Variants in MIB2 observed in about 807,000 individuals in gnomAD.
The protein encoded by MIB2 is MIB E3 ubiquitin protein ligase 2, also known as E3 ubiquitin-protein ligase MIB2.
MIB2 carries 78 observed loss-of-function variants against 96.6 expected under a neutral mutation model. The ratio of observed to expected loss-of-function variants is 0.81; its 90% CI spans 0.67 to 0.97. The LOEUF (loss-of-function observed/expected upper bound fraction) is 0.97, where lower values mean the gene tolerates loss of function less well. MIB2 is among the 50% of genes least tolerant of loss of function. The pLI is 0.00. For synonymous variants in MIB2, 820 were observed against 629.5 expected, an observed-to-expected ratio of 1.30 and a Z score of -4.53; for missense variants, 1,543 against 1,424.0, an observed-to-expected ratio of 1.08 and a Z score of -1.35.
In MIB2 at chr1:1,629,276, G is replaced by T; in HGVS notation, c.2346G>T (p.Val782=). 6.5e-7 allele frequency: 1 copy of T among 1,542,938 alleles called. No homozygotes were observed. Among genetic ancestry groups the T allele is most frequent in the Non-Finnish European group, 8.6e-7 (1 of 1,156,790 alleles). Residue 782 remains valine (V), a synonymous_variant, in exon 17 of 20, where the codon GTG becomes GTT. Coordinates refer to ENST00000355826, the MANE Select transcript of MIB2 (RefSeq NM_001170687.4). Reference sequence around the variant, plus strand: ...TGGACCTGGCCGCCGAGGGTCGCGTGCTCAAGGCCCTTCAGGGCTGCGCCC... The same window carrying T: ...TGGACCTGGCCGCCGAGGGTCGCGTTCTCAAGGCCCTTCAGGGCTGCGCCC... The part of the protein sequence containing the change: ...SPLDLAAEGR[V]LKALQGCAQR...
chr1:1,628,564 G>A lies in MIB2; in HGVS notation c.2044G>A (p.Gly682Arg), dbSNP rs1645041168. The change falls in exon 16 of 20, where the codon GGG becomes AGG. Residue 682 changes from glycine (G) to arginine (R), a missense_variant. Physicochemically the swap from Gly to Arg is moderately radical, Grantham distance 125 (BLOSUM62 -2). Coordinates refer to ENST00000355826, the MANE Select transcript of MIB2 (RefSeq NM_001170687.4). Reference sequence around the variant, plus strand: ...TCTCGCCGTGCAACAGGCCCACGTGGGGCTGGTGCCGCTACTGGTGGACGC... The same window carrying A: ...TCTCGCCGTGCAACAGGCCCACGTGAGGCTGGTGCCGCTACTGGTGGACGC... Reference protein sequence around the residue: ...LHLAVQQAHVGLVPLLVDAGC... With the variant: ...LHLAVQQAHVRLVPLLVDAGC... 1 of 1,601,618 alleles carries A rather than the reference G, an allele frequency of 6.2e-7. No individual in the cohort carries two copies. Among genetic ancestry groups the A allele is most frequent in the Non-Finnish European group, 8.5e-7 (1 of 1,178,584 alleles).
intron 4 of MIB2, 121 bp from the exon 5 acceptor site, chr1:1,624,674 C>T (rs955470594): frequency 2.0e-5 from 18 of 913,168 alleles, no homozygotes; most frequent in East Asian, 1.0e-4. Context: ...GCTGGGGCTG[C>T]GGAGCCCAGC....
At chr1:1,628,788 G>A (rs963693385) in intron 16 of MIB2, 66 bp downstream of exon 16, 21 of 1,325,692 alleles carry the variant, frequency 1.6e-5, no homozygotes, top group Admixed American at 7.9e-5. Context: ...TCTGGGCAGG[G>A]CCTGTGCCAC....
At chr1:1,630,162 G>A (rs1426099263) in intron 19 of MIB2, 130 bp from the exon 20 acceptor site, 2 of 122,858 alleles carry the variant, frequency 1.6e-5, no homozygotes, top group East Asian at 1.9e-4. Flanking sequence ...CACCCACCCC[G>A]CCAGCCCCCC....
Position 1,616,572 on chromosome 1 carries a change from G to A in MIB2, c.-65G>A, listed in dbSNP as rs199576573. 396 of 1,603,920 alleles carry A rather than the reference G, an allele frequency of 2.5e-4. No homozygotes were observed. The African/African-American group carries it at 4.5e-3, about 18-fold the overall frequency. On this transcript the variant is annotated 5_prime_UTR_variant, in exon 2 of 20. Transcript: ENST00000355826. ...TTCCAGGCATCAGGGCTGCAGCCCA[G>A]GAGCCTCAAGGCGGCCCGGCGGGCG...
At chr1:1,630,252 C>G (rs1396912600) in intron 19 of MIB2, 40 bp from the exon 20 acceptor site, 1 of 984,694 alleles carries the variant, frequency 1.0e-6, no homozygotes, top group Non-Finnish European at 1.4e-6. Context: ...CGCATTCCCC[C>G]ACCCGGCCTC....
In MIB2 at chr1:1,628,392, T is replaced by A. The variant is rs1359360478; in HGVS notation, c.1961T>A (p.Ile654Asn). ...CACCGCGAGGTGGCCCAGATCCTCA[T>A]CCGGGAGGTGCGGACGCGGCCCAGT... The part of the protein sequence containing the change: ...NNHREVAQIL[I>N]REGRCDVNVR... The change falls in exon 15 of 20, where the codon ATC becomes AAC. Residue 654 changes from isoleucine to asparagine, a missense_variant. Physicochemically the swap from Ile to Asn is moderately radical, Grantham distance 149. Transcript: ENST00000355826. The A allele has an allele frequency of 1.9e-6, 3 of 1,612,098 alleles. No homozygotes were observed. Among genetic ancestry groups the A allele is most frequent in the Non-Finnish European group, 1.7e-6 (2 of 1,179,796 alleles).
rs1328776208 is a variant in MIB2, at chr1:1,629,218, T to A, written c.2288T>A (p.Val763Glu). ...TTCCTGGCGCTGGAGGGCGCCGACG[T>A]GAGCTACACCAACCACCGCGGTCGG... is the stretch of plus-strand genomic sequence containing the variant. Reference protein sequence around the residue: ...ACFLALEGADVSYTNHRGRSP... With the variant: ...ACFLALEGADESYTNHRGRSP... The change falls in exon 17 of 20, where the codon GTG becomes GAG. Residue 763 changes from valine to glutamate, a missense_variant. Physicochemically the swap from Val to Glu is moderately radical, Grantham distance 121. Transcript: ENST00000355826. The A allele has an allele frequency of 1.3e-6, 2 of 1,536,726 alleles. No individual in the cohort carries two copies. Among genetic ancestry groups the A allele is most frequent in the Non-Finnish European group, 1.7e-6 (2 of 1,151,824 alleles).
In MIB2 at chr1:1,623,963, C is replaced by G; in HGVS notation, c.419+18C>G. 6.3e-7 allele frequency: 1 copy of G among 1,593,512 alleles called. No individual in the cohort carries two copies. On this transcript the variant is annotated intron_variant, in intron 4 of 19. Transcript: ENST00000355826. ...TCGCGCCCGTGAGTCCCGGGCCGCA[C>G]CGGCTCCTGTGCGGCGGGTACCCAG...
At position 1,625,106 on chromosome 1, in the gene MIB2, C is replaced by T. The variant is rs372609864; in HGVS notation, c.642C>T (p.Gly214=). The T allele has an allele frequency of 1.9e-6, 3 of 1,613,268 alleles. No homozygotes were observed. Among genetic ancestry groups the T allele is most frequent in the Non-Finnish European group, 2.5e-6 (3 of 1,179,990 alleles). Residue 214 remains glycine (G), a synonymous_variant, in exon 6 of 20, where the codon GGC becomes GGT. Coordinates refer to ENST00000355826, the MANE Select transcript of MIB2 (RefSeq NM_001170687.4). The surrounding 1 kb of genome is among the most constrained non-coding windows in gnomAD (Gnocchi z 5.0). ...GTACCACCAATGTGTACCGTGTGGGCCACAAGGGCAAGGTGGACCTCAAGT... is the reference window on the plus strand; with the variant it reads ...GTACCACCAATGTGTACCGTGTGGGTCACAAGGGCAAGGTGGACCTCAAGT... ...ADGTTNVYRV[G]HKGKVDLKCV...
chr1:1,623,513 T>C lies in MIB2; in HGVS notation c.61T>C (p.Trp21Arg). 1 of 1,560,036 alleles carries C rather than the reference T, an allele frequency of 6.4e-7. No homozygotes were observed. Among genetic ancestry groups the C allele is most frequent in the South Asian group, 1.2e-5 (1 of 84,082 alleles). The change falls in exon 3 of 20, where the codon TGG (tryptophan) becomes CGG (arginine). Residue 21 changes from tryptophan to arginine, a missense_variant. Coordinates refer to ENST00000355826, the MANE Select transcript of MIB2 (RefSeq NM_001170687.4). ...CATGCGGGTGGTGCGCGGCGTGGACTGGAAGTGGGGCCAGCAGGACGGCGG... is the reference window on the plus strand; with the variant it reads ...CATGCGGGTGGTGCGCGGCGTGGACCGGAAGTGGGGCCAGCAGGACGGCGG... ...VGMRVVRGVDWKWGQQDGGEG... is the reference protein window; with the variant it reads ...VGMRVVRGVDRKWGQQDGGEG...
Sources: gnomAD v4.1 joint callset for allele counts on GRCh38, gnomAD v4.1.1 for gene constraint, Gnocchi (gnomAD v3.1) non-coding constraint, MANE v1.5 for transcripts, NCBI Gene and HGNC (gene_info 2026-07-23, HGNC 2026-07-21) for gene names.